TAF6L: variants seen among roughly 807,000 people sequenced by gnomAD.
TAF6L encodes TATA-box binding protein associated factor 6 like, also known as TAF6-like RNA polymerase II p300/CBP-associated factor-associated factor 65 kDa subunit 6L.
Under a neutral mutation model 57.3 loss-of-function variants are expected in TAF6L, and 34 were observed. The observed-to-expected ratio is 0.59, with a 90% CI of 0.45 to 0.79. TAF6L has a LOEUF of 0.79. Ranked by LOEUF, TAF6L falls within the 30% of genes least tolerant of loss-of-function variation. TAF6L has a pLI of 0.00. For synonymous variants in TAF6L, 417 were observed against 376.3 expected (o/e 1.11, Z -1.25); for missense variants, 782 against 853.2 (o/e 0.92, Z 1.04).
chr11:62,774,225 C>T (rs557693877), intron 1 of TAF6L, among the ~76,000 whole-genome samples: 24 of 152,058 alleles, frequency 1.6e-4, no homozygotes, highest in Admixed American at 1.4e-3. Flanking sequence ...TACAGGCGCC[C>T]GCCACCAAGC....
Position 62,782,344 on chromosome 11 carries a change from G to A in TAF6L, c.827+11G>A. 6.2e-7 allele frequency: 1 copy of A among 1,611,740 alleles called. No homozygotes were observed. Among genetic ancestry groups the A allele is most frequent in the Non-Finnish European group, 8.5e-7 (1 of 1,179,422 alleles). On this transcript the variant is annotated intron_variant, in intron 8 of 10. Transcript: ENST00000294168. ...CAGCCACATCTTCTGGTAGCCACTG[G>A]GCCTAAACCTGCGGGTGGGATTGCT... is the stretch of plus-strand genomic sequence containing the variant.
intron 1 of TAF6L, chr11:62,775,560 A>G: frequency 1.9e-6 from 1 of 532,734 alleles, no homozygotes; most frequent in Non-Finnish European, 3.3e-6. Context: ...GAACCCCAAC[A>G]CTTTGGACTT....
chr11:62,781,250 A>AT (rs1565188731), intron 6 of TAF6L, among the ~76,000 whole-genome samples: 1 of 151,916 alleles, frequency 6.6e-6, no homozygotes. Flanking sequence ...AAAAAAAAAA[A>AT]AGAAAAAGAA....
At position 62,786,842 on chromosome 11, in the gene TAF6L, A is replaced by G; in HGVS notation, c.1415A>G (p.Lys472Arg). Residue 472 changes from lysine to arginine, a missense_variant, in exon 11 of 11, where the codon AAG (lysine) becomes AGG (arginine). By Grantham distance (26) the Lys-to-Arg change is conservative. Transcript: ENST00000294168. ...APTAPRPPGD[K>R]KEPAAAPDSV... ...ACGGCTCCGCGGCCGCCCGGGGACA[A>G]GAAGGAGCCGGCGGCAGCCCCGGAC... 1.3e-6 allele frequency: 2 copies of G among 1,599,898 alleles called. No individual in the cohort carries two copies. The highest frequency in any genetic ancestry group is 1.1e-5 in the South Asian group (1 of 90,746).
In TAF6L at chr11:62,782,713, G is replaced by A. The variant is rs2084239425; in HGVS notation, c.848G>A (p.Ser283Asn). 1 of 1,612,306 alleles carries A rather than the reference G, an allele frequency of 6.2e-7. No homozygotes were observed. The highest frequency in any genetic ancestry group is 8.5e-7 in the Non-Finnish European group (1 of 1,180,016). The change falls in exon 9 of 11, where the codon AGT (serine) becomes AAT (asparagine). Residue 283 changes from serine to asparagine, a missense_variant. Coordinates refer to ENST00000294168, the MANE Select transcript of TAF6L (RefSeq NM_006473.4). Reference protein sequence around the residue: ...HIFWTHGDLVSGLYQHILLSL... With the variant: ...HIFWTHGDLVNGLYQHILLSL... The stretch of plus-strand genomic sequence containing the variant: ...CACAGGACTCATGGGGACCTTGTAA[G>A]TGGCCTCTATCAGCATATCCTGCTA...
At chr11:62,777,872 C>A in intron 3 of TAF6L, 106 bp from the exon 4 acceptor site, 1 of 1,353,072 alleles carries the variant, frequency 7.4e-7, no homozygotes, top group East Asian at 2.4e-5. Flanking sequence ...TTCTGGACTT[C>A]CTTCAAACGT....
intron 1 of TAF6L, among the ~76,000 whole-genome samples, chr11:62,774,146 G>T (rs536181733): frequency 6.6e-6 from 1 of 151,534 alleles, no homozygotes; most frequent in South Asian, 2.1e-4. Flanking sequence ...GCGTGATCTC[G>T]GCTCACTGCA....
chr11:62,787,271 A>T lies in TAF6L; in HGVS notation c.1844A>T (p.Asp615Val). The change falls in exon 11 of 11, where the codon GAC (aspartate) becomes GTC (valine). Residue 615 changes from aspartate to valine, a missense_variant. By Grantham distance (152) the Asp-to-Val change is radical. Transcript: ENST00000294168. ...CCCGCCCGCCGGTGGGCGCTCTCGGACTACTCGCTGTACTTGCCGCTCTGA... is the reference window on the plus strand; with the variant it reads ...CCCGCCCGCCGGTGGGCGCTCTCGGTCTACTCGCTGTACTTGCCGCTCTGA... ...SRPARRWALS[D>V]YSLYLPL is the part of the protein sequence containing the mutation. 2 of 1,561,060 alleles carry T rather than the reference A, an allele frequency of 1.3e-6. No homozygotes were observed. Among genetic ancestry groups the T allele is most frequent in the Non-Finnish European group, 1.7e-6 (2 of 1,161,968 alleles).
Position 62,782,127 on chromosome 11 carries a change from C to T in TAF6L, c.621C>T (p.Ser207=). Residue 207 remains serine, a synonymous_variant, in exon 8 of 11, where the codon AGC becomes AGT. Transcript: ENST00000294168. ...TCTCCCAACAGGTGAAATCTGTAAG[C>T]CATGACCTGGAGCAACTGCACCGGC... is the stretch of plus-strand genomic sequence containing the variant. The part of the protein sequence containing the change: ...VYVVSGVKSV[S]HDLEQLHRLL... The T allele has an allele frequency of 6.2e-7, 1 of 1,609,116 alleles. No individual in the cohort carries two copies. The highest frequency in any genetic ancestry group is 8.5e-7 in the Non-Finnish European group (1 of 1,177,038).
At chr11:62,783,411 G>A (rs1163410649) in intron 9 of TAF6L, among the ~76,000 whole-genome samples, 4 of 151,922 alleles carry the variant, frequency 2.6e-5, no homozygotes, top group Non-Finnish European at 5.9e-5. Context: ...GAACCCGGGA[G>A]GCGGAGCTTG....
chr11:62,774,389 T>C (rs1346575339), intron 1 of TAF6L, among the ~76,000 whole-genome samples: 2 of 152,144 alleles, frequency 1.3e-5, no homozygotes, highest in Non-Finnish European at 2.9e-5. Context: ...ATTTGTTCTT[T>C]ATTTCAAAGA....
rs765889840 is a variant in TAF6L at position 62,782,150 on chromosome 11, G to A, written c.644G>A (p.Arg215Gln). The A allele has an allele frequency of 2.1e-5, 34 of 1,613,078 alleles. No homozygotes were observed. Among genetic ancestry groups the A allele is most frequent in the South Asian group, 7.7e-5 (7 of 91,014 alleles). ...SVSHDLEQLH[R>Q]LLQVARSLFR... is the part of the protein sequence containing the mutation. ...AGCCATGACCTGGAGCAACTGCACC[G>A]GCTGCTGCAGGTGGCACGGAGCCTA... The change falls in exon 8 of 11, where the codon CGG becomes CAG. Residue 215 changes from arginine (R) to glutamine (Q), a missense_variant. Physicochemically the swap from Arg to Gln is conservative, Grantham distance 43. Transcript: ENST00000294168.
At position 62,776,392 on chromosome 11, in the gene TAF6L, T is replaced by G; in HGVS notation, c.156T>G (p.Ser52=). The change falls in exon 3 of 11, where the codon TCT becomes TCG. Residue 52 remains serine, a synonymous_variant. Transcript: ENST00000294168. ...TGTTCCCTCCCTCCCAGAATAGCTC[T>G]CAGTTCATGAAGCACACCAAACGCC... is the stretch of plus-strand genomic sequence containing the variant. ...YRLREATQNS[S]QFMKHTKRRK... is the part of the protein sequence containing the mutation. 6.2e-7 allele frequency: 1 copy of G among 1,613,504 alleles called. No homozygotes were observed. The highest frequency in any genetic ancestry group is 8.5e-7 in the Non-Finnish European group (1 of 1,179,570).
intron 6 of TAF6L, among the ~76,000 whole-genome samples, chr11:62,780,930 C>G (rs1490019802): frequency 7.3e-6 from 1 of 136,652 alleles, no homozygotes; most frequent in East Asian, 2.1e-4. Flanking sequence ...GAGTGAGACT[C>G]CATCTCAAAA....
At chr11:62,783,766 C>T (rs2084248282) in intron 9 of TAF6L, among the ~76,000 whole-genome samples, 1 of 151,720 alleles carries the variant, frequency 6.6e-6, no homozygotes, top group Non-Finnish European at 1.5e-5. Context: ...CTCCTAGCCT[C>T]AAGTGGTCTG....
chr11:62,779,970 A>ATT (rs1263442687), intron 6 of TAF6L, among the ~76,000 whole-genome samples: 6 of 64,414 alleles, frequency 9.3e-5, no homozygotes, highest in African/African-American at 2.7e-4. Context: ...ATATATATAT[A>ATT]TATATATTTT....
chr11:62,775,375 CG>C (rs1271511369), intron 1 of TAF6L, among the ~76,000 whole-genome samples: 1 of 152,120 alleles, frequency 6.6e-6, no homozygotes, highest in East Asian at 1.9e-4. Context: ...GAGATTTGTG[CG>C]GGGACACAGC....
intron 8 of TAF6L, 27 bp from the exon 9 acceptor site, chr11:62,782,666 C>T: frequency 6.2e-7 from 1 of 1,608,606 alleles, no homozygotes; most frequent in African/African-American, 1.3e-5. Context: ...CCTCATTCCC[C>T]TCCCTAACTG....
chr11:62,778,645 G>A lies in TAF6L; in HGVS notation c.437-224G>A, dbSNP rs183658462. On this transcript the variant is annotated intron_variant, in intron 5 of 10. Coordinates refer to ENST00000294168, the MANE Select transcript of TAF6L (RefSeq NM_006473.4). ...CAGAGCCTGAAGCTCTCAGGAGTCC[G>A]TCTGGCAGAGGGTGGGTGGAAGACA... The A allele has an allele frequency of 2.4e-4, 144 of 611,274 alleles. No homozygotes were observed. In the East Asian group the frequency reaches 3.5e-3, roughly 15 times the overall value. The allele number at this position is 611,274 out of a possible 1,614,324, so 37.9% of individuals were successfully genotyped here. A position where few individuals can be genotyped will look rare whatever the true frequency, so the allele number is the denominator to read the frequency against.
Sources: allele counts gnomAD v4.1 joint callset (sites outside exome capture counted in the v4.1 genomes callset), GRCh38; gene constraint gnomAD v4.1.1; transcripts MANE v1.5; gene names NCBI Gene and HGNC (gene_info 2026-07-23, HGNC 2026-07-21).